The following CEP104 variants were observed in gnomAD, a reference collection of about 807,000 sequenced individuals.
The protein encoded by CEP104 is centrosomal protein of 104 kDa.
Under a neutral mutation model 113.3 loss-of-function variants are expected in CEP104, and 84 were observed. The ratio of observed to expected loss-of-function variants is 0.74; its 90% CI spans 0.62 to 0.89. The LOEUF (loss-of-function observed/expected upper bound fraction) is 0.89. Among genes scored for constraint, CEP104 ranks in the 40% least tolerant of loss-of-function variants. The pLI is 0.00. For synonymous variants in CEP104, 378 were observed against 421.7 expected (o/e 0.90, Z 1.27); for missense variants, 1,053 against 1,156.6 (o/e 0.91, Z 1.30).
At chr1:3,850,655 G>A (rs187354540) in intron 2 of CEP104, among the ~76,000 whole-genome samples, 6 of 152,234 alleles carry the variant, frequency 3.9e-5, no homozygotes, top group Non-Finnish European at 5.9e-5. Context: ...TGGGAGGCTC[G>A]GCTTCAGGGT....
chr1:3,815,996 A>ATGTAGAAAGAGCG (rs1643874583), intron 21 of CEP104, among the ~76,000 whole-genome samples: 1 of 152,162 alleles, frequency 6.6e-6, no homozygotes, highest in Non-Finnish European at 1.5e-5. Context: ...TAAACACTTG[A>ATGTAGAAAGAGCG]GTCAGTGATG....
intron 15 of CEP104, among the ~76,000 whole-genome samples, chr1:3,827,511 C>T (rs1293699704): frequency 1.3e-5 from 2 of 152,180 alleles, no homozygotes; most frequent in Non-Finnish European, 2.9e-5. Flanking sequence ...TGAGTCACTG[C>T]GTCTGGCCGA....
chr1:3,834,034 A>C lies in CEP104; in HGVS notation c.1487T>G (p.Val496Gly). ...CAACAATTTCAAAGAAGCCTGAAAAACCTAAGAGAAAAGTGATGAACACGG... is the reference window on the plus strand; with the variant it reads ...CAACAATTTCAAAGAAGCCTGAAAACCCTAAGAGAAAAGTGATGAACACGG... Reference protein sequence around the residue: ...RRAIKDIVTSVFQASLKLLKM... With the variant: ...RRAIKDIVTSGFQASLKLLKM... The change falls in exon 12 of 22, where the codon GTT becomes GGT. Residue 496 changes from valine (V) to glycine (G), a missense_variant and splice_region_variant. Physicochemically the swap from Val to Gly is moderately radical, Grantham distance 109. Transcript: ENST00000378230. 1 of 1,612,344 alleles carries C rather than the reference A, an allele frequency of 6.2e-7. No homozygotes were observed. The highest frequency in any genetic ancestry group is 8.5e-7 in the Non-Finnish European group (1 of 1,178,488).
Position 3,836,630 on chromosome 1 carries a change from T to C in CEP104, c.1182A>G (p.Ala394=), listed in dbSNP as rs767672983. 6.2e-7 allele frequency: 1 copy of C among 1,613,992 alleles called. No homozygotes were observed. Among genetic ancestry groups the C allele is most frequent in the Non-Finnish European group, 8.5e-7 (1 of 1,179,994 alleles). ...LPAIRKHYGE[A]VVEPEMSNAD... ...CATTACTCATTTCCGGCTCCACCACTGCCTCCCCATAATGCTTACGAATAG... is the reference window on the plus strand; with the variant it reads ...CATTACTCATTTCCGGCTCCACCACCGCCTCCCCATAATGCTTACGAATAG... Residue 394 remains alanine (A), a synonymous_variant, in exon 10 of 22, where the codon GCA becomes GCG. Transcript: ENST00000378230.
At position 3,829,368 on chromosome 1, in the gene CEP104, C is replaced by T; in HGVS notation, c.2049G>A (p.Arg683=). The T allele has an allele frequency of 6.2e-7, 1 of 1,608,466 alleles. No homozygotes were observed. Among genetic ancestry groups the T allele is most frequent in the Non-Finnish European group, 8.5e-7 (1 of 1,178,816 alleles). The change falls in exon 15 of 22, where the codon CGG becomes CGA. Residue 683 remains arginine, a synonymous_variant. Coordinates refer to ENST00000378230, the MANE Select transcript of CEP104 (RefSeq NM_014704.4). ...CTGCTTCTTCTGTAGCCGCTTTTCT[C>T]CGTGCCTGGTAAGAAAATTATTTTT... ...GRATDAEMRA[R]RKAATEEAEK... is the part of the protein sequence containing the mutation.
intron 6 of CEP104, chr1:3,843,103 TTCC>T: frequency 1.6e-6 from 1 of 609,658 alleles, no homozygotes; most frequent in Non-Finnish European, 3.0e-6. Context: ...AACATTTCAA[TTCC>T]TCTTTTTTTC....
chr1:3,829,414 G>T (rs777771164), intron 14 of CEP104, 41 bp from the exon 15 acceptor site: 3 of 1,469,370 alleles, frequency 2.0e-6, no homozygotes, highest in South Asian at 2.4e-5. Flanking sequence ...AGCTTGTTAG[G>T]GTAATCTTAG....
chr1:3,836,028 G>A (rs745550664), intron 10 of CEP104, among the ~76,000 whole-genome samples: 3 of 149,036 alleles, frequency 2.0e-5, no homozygotes, highest in Non-Finnish European at 3.0e-5. Context: ...AAGGCCGGGC[G>A]CAGTGGCTCA....
chr1:3,848,533 A>C (rs1048530786), intron 3 of CEP104, 75 bp downstream of exon 3: 2 of 845,720 alleles, frequency 2.4e-6, no homozygotes, highest in African/African-American at 1.9e-5. Flanking sequence ...CTCCATCTCA[A>C]AAAAAAAAAA....
intron 20 of CEP104, among the ~76,000 whole-genome samples, chr1:3,818,409 C>T (rs532836798): frequency 2.6e-5 from 4 of 152,204 alleles, no homozygotes; most frequent in South Asian, 4.1e-4. Context: ...GATTCCTGAC[C>T]GCAGTTACTT....
At position 3,845,325 on chromosome 1, in the gene CEP104, A is replaced by C. The variant is rs757425751; in HGVS notation, c.453T>G (p.Ile151Met). ...NQVALVAINI[I>M]GDPADFSDES... The stretch of plus-strand genomic sequence containing the variant: ...CATCACTGAAATCTGCAGGGTCTCC[A>C]ATGATATTTATGGCAACCAAAGCAA... Residue 151 changes from isoleucine to methionine, a missense_variant, in exon 5 of 22, where the codon ATT (isoleucine) becomes ATG (methionine). Physicochemically the swap from Ile to Met is conservative, Grantham distance 10 (BLOSUM62 1). Transcript: ENST00000378230. 32 of 1,609,556 alleles carry C rather than the reference A, an allele frequency of 2.0e-5. No individual in the cohort carries two copies. The highest frequency in any genetic ancestry group is 1.5e-4 in the Admixed American group (9 of 59,600).
intron 4 of CEP104, among the ~76,000 whole-genome samples, chr1:3,845,697 G>A (rs1423211946): frequency 2.0e-5 from 3 of 152,110 alleles, no homozygotes; most frequent in African/African-American, 7.3e-5. Flanking sequence ...CGTATTAATT[G>A]TTAAAATGTT....
Position 3,837,315 on chromosome 1 carries a change from T to C in CEP104, c.1096A>G (p.Thr366Ala). The C allele has an allele frequency of 6.2e-7, 1 of 1,613,124 alleles. No homozygotes were observed. Among genetic ancestry groups the C allele is most frequent in the Non-Finnish European group, 8.5e-7 (1 of 1,179,086 alleles). ...ACATTGATCTTTGGATGAGGATCTG[T>C]GGCAGGGAGTAACGGGTCTACTGCA... ...HSAVDPLLPA[T>A]DPHPKINAES... The change falls in exon 9 of 22, where the codon ACA (threonine) becomes GCA (alanine). Residue 366 changes from threonine to alanine, a missense_variant. Coordinates refer to ENST00000378230, the MANE Select transcript of CEP104 (RefSeq NM_014704.4).
chr1:3,829,691 G>A (rs551750983), intron 14 of CEP104, 100 bp downstream of exon 14: 5 of 1,267,556 alleles, frequency 3.9e-6, no homozygotes, highest in East Asian at 2.3e-5. Flanking sequence ...TCCCATACAT[G>A]TGGCTCCTTC....
At chr1:3,834,894 G>A (rs1160229862) in intron 11 of CEP104, 31 bp downstream of exon 11, 4 of 1,554,036 alleles carry the variant, frequency 2.6e-6, no homozygotes, top group East Asian at 2.4e-5. Flanking sequence ...ATCCATGCAC[G>A]CTGGAGCCAG....
intron 1 of CEP104, among the ~76,000 whole-genome samples, chr1:3,854,688 T>C (rs1644679858): frequency 6.7e-6 from 1 of 149,232 alleles, no homozygotes; most frequent in Non-Finnish European, 1.5e-5. Flanking sequence ...TTTTGCCATG[T>C]TGGCCAGGCT....
chr1:3,852,554 G>A lies in CEP104; in HGVS notation c.-14-133C>T, dbSNP rs192245684. ...GTATTCAGAATTTTCCCATCTCTTTGAAAAGAGTCTATTTTTTTTTGTTAA... is the reference window on the plus strand; with the variant it reads ...GTATTCAGAATTTTCCCATCTCTTTAAAAAGAGTCTATTTTTTTTTGTTAA... On this transcript the variant is annotated intron_variant, in intron 1 of 21. Coordinates refer to ENST00000378230, the MANE Select transcript of CEP104 (RefSeq NM_014704.4). The A allele has an allele frequency of 6.3e-5, 49 of 780,626 alleles. No homozygotes were observed. In the African/African-American group the frequency reaches 7.5e-4, roughly 12 times the overall value. The allele number at this position is 780,626 out of a possible 1,614,324, so 48.4% of individuals were successfully genotyped here.
intron 18 of CEP104, among the ~76,000 whole-genome samples, chr1:3,825,376 C>A (rs765947581): frequency 6.6e-6 from 1 of 152,148 alleles, no homozygotes; most frequent in Non-Finnish European, 1.5e-5. Flanking sequence ...TGGCGCACAG[C>A]GGAAGGTGGA....
In CEP104 at chr1:3,844,965, T is replaced by C. The variant is rs1356752788; in HGVS notation, c.508A>G (p.Ile170Val). Residue 170 changes from isoleucine to valine, a missense_variant, in exon 6 of 22, where the codon ATT (isoleucine) becomes GTT (valine). Transcript: ENST00000378230. ...CTGTTGTGCCCAAGGTAGTGGTCAA[T>C]CAACTTCTCTCGAGAGGCCTTTGGG... ...ESNTASREKL[I>V]DHYLGHNSED... is the part of the protein sequence containing the mutation. 2 of 1,614,178 alleles carry C rather than the reference T, an allele frequency of 1.2e-6. No individual in the cohort carries two copies. Among genetic ancestry groups the C allele is most frequent in the Non-Finnish European group, 8.5e-7 (1 of 1,180,012 alleles).
Sources: allele counts gnomAD v4.1 joint callset (sites outside exome capture counted in the v4.1 genomes callset), GRCh38; gene constraint gnomAD v4.1.1; transcripts MANE v1.5; gene names NCBI Gene and HGNC (gene_info 2026-07-23, HGNC 2026-07-21).